Variants in HS3ST4 observed in about 807,000 individuals in gnomAD.
HS3ST4 encodes the protein heparan sulfate glucosamine 3-O-sulfotransferase 4.
Under a neutral mutation model 29.2 loss-of-function variants are expected in HS3ST4, and 17 were observed. The ratio of observed to expected loss-of-function variants is 0.58; its 90% CI spans 0.40 to 0.87. The LOEUF is 0.87. Among genes scored for constraint, HS3ST4 ranks in the 40% least tolerant of loss-of-function variants. The pLI, the probability that HS3ST4 is intolerant of heterozygous loss-of-function variation, is 0.00. For synonymous variants in HS3ST4, 314 were observed against 285.7 expected, an observed-to-expected ratio of 1.10 and a Z score of -1.00; for missense variants, 627 against 634.5, an observed-to-expected ratio of 0.99 and a Z score of 0.13.
intron 1 of HS3ST4, among the ~76,000 whole-genome samples, chr16:25,886,488 A>G (rs1298292793): frequency 6.6e-6 from 1 of 152,222 alleles, no homozygotes; most frequent in African/African-American, 2.4e-5. Context: ...TGGCCAAGTT[A>G]TCATCAGTCC....
At chr16:25,784,281 A>G (rs1966855288) in intron 1 of HS3ST4, among the ~76,000 whole-genome samples, 2 of 152,128 alleles carry the variant, frequency 1.3e-5, no homozygotes, top group African/African-American at 4.8e-5. Flanking sequence ...TCATAACCCT[A>G]CAATGACCTC....
chr16:25,894,690 G>A (rs990092143), intron 1 of HS3ST4, among the ~76,000 whole-genome samples: 4 of 152,004 alleles, frequency 2.6e-5, no homozygotes, highest in African/African-American at 9.7e-5. Flanking sequence ...ATTTTTAATA[G>A]AGACAGGGTT....
At chr16:25,966,268 G>A (rs933512175) in intron 1 of HS3ST4, among the ~76,000 whole-genome samples, 7 of 152,082 alleles carry the variant, frequency 4.6e-5, no homozygotes, top group Admixed American at 1.3e-4. Flanking sequence ...CTGCACACTT[G>A]ACCATTATGC....
chr16:25,980,715 A>G (rs965476614), intron 1 of HS3ST4, among the ~76,000 whole-genome samples: 1 of 152,220 alleles, frequency 6.6e-6, no homozygotes, highest in African/African-American at 2.4e-5. Context: ...TTAATCAGGT[A>G]TGATAAAACA....
In HS3ST4 at chr16:25,711,728, G is replaced by A. The variant is rs568140031; in HGVS notation, c.734+18577G>A. 1.1e-4 allele frequency among the ~76,000 whole-genome samples: 16 copies of A among 152,224 alleles called. No individual in the cohort carries two copies. In the South Asian group the frequency reaches 3.3e-3, roughly 32 times the overall value. On this transcript the variant is annotated intron_variant, in intron 1 of 1. Coordinates refer to ENST00000331351, the MANE Select transcript of HS3ST4 (RefSeq NM_006040.3). ...ACACAAACACTCCCTGACTTTATAA[G>A]GTGCAAAGTACCTGGTCTGGAGTGG...
At chr16:25,903,302 G>GTATGTATATGTATATATTATATACA (rs1555471411) in intron 1 of HS3ST4, among the ~76,000 whole-genome samples, 20,745 of 95,270 alleles carry the variant, frequency 0.22, 4,126 homozygotes, top group East Asian at 0.31. Context: ...GTGTGTGTGT[G>GTATGTATATGTATATATTATATACA]TATGTATATG....
intron 1 of HS3ST4, among the ~76,000 whole-genome samples, chr16:26,035,642 A>G (rs1969575843): frequency 6.6e-6 from 1 of 152,148 alleles, no homozygotes; most frequent in Admixed American, 6.5e-5. Context: ...CTTCTCTTCT[A>G]TCTCCTGCCA....
At chr16:25,993,692 C>T (rs1049827335) in intron 1 of HS3ST4, among the ~76,000 whole-genome samples, 5 of 151,880 alleles carry the variant, frequency 3.3e-5, no homozygotes, top group African/African-American at 9.7e-5. Flanking sequence ...ACACCTAGCA[C>T]TTGGCACATG....
chr16:26,098,443 A>G (rs1898953988), intron 1 of HS3ST4, among the ~76,000 whole-genome samples: 1 of 152,146 alleles, frequency 6.6e-6, no homozygotes, highest in African/African-American at 2.4e-5. Context: ...AGGGACAGGG[A>G]TGAAGCTGGA....
intron 1 of HS3ST4, among the ~76,000 whole-genome samples, chr16:25,863,506 G>A (rs1967659876): frequency 6.6e-6 from 1 of 152,042 alleles, no homozygotes; most frequent in African/African-American, 2.4e-5. Flanking sequence ...GAGCTTCTTG[G>A]GTCTTGTGTA....
intron 1 of HS3ST4, among the ~76,000 whole-genome samples, chr16:25,730,985 G>A (rs1428977903): frequency 6.6e-6 from 1 of 152,196 alleles, no homozygotes; most frequent in Non-Finnish European, 1.5e-5. Flanking sequence ...ACAGGGTGGA[G>A]TCCAGGAGAA....
rs9927095 is a variant in HS3ST4, at chr16:25,854,429, T to C, written c.734+161278T>C. On this transcript the variant is annotated intron_variant, in intron 1 of 1. Transcript: ENST00000331351. ...CAGTGAGGATGACCCGAGGTCACTTTCATCACCATCTTGGTTTTGGTGAGT... is the reference window on the plus strand; with the variant it reads ...CAGTGAGGATGACCCGAGGTCACTTCCATCACCATCTTGGTTTTGGTGAGT... 8.9e-3 allele frequency among the ~76,000 whole-genome samples: 1,357 copies of C among 152,322 alleles called. 25 individuals are homozygous for C. Among genetic ancestry groups the C allele is most frequent in the African/African-American group, 0.031 (1,284 of 41,574 alleles).
chr16:26,109,281 C>G (rs959302852), intron 1 of HS3ST4, among the ~76,000 whole-genome samples: 3 of 152,138 alleles, frequency 2.0e-5, no homozygotes, highest in Non-Finnish European at 2.9e-5. Context: ...TCAGCGGCCC[C>G]GTTTCCTGCA....
chr16:25,896,902 A>G (rs916962569), intron 1 of HS3ST4, among the ~76,000 whole-genome samples: 3 of 152,234 alleles, frequency 2.0e-5, no homozygotes, highest in Non-Finnish European at 2.9e-5. Context: ...ACAGAAACAG[A>G]AAAGCAAATA....
chr16:25,898,394 A>G (rs1968091402), intron 1 of HS3ST4, among the ~76,000 whole-genome samples: 1 of 152,206 alleles, frequency 6.6e-6, no homozygotes, highest in South Asian at 2.1e-4. Flanking sequence ...CCCTTTCTGC[A>G]GAAATATGAC....
At chr16:25,828,282 T>TC (rs1967249266) in intron 1 of HS3ST4, among the ~76,000 whole-genome samples, 1 of 85,350 alleles carries the variant, frequency 1.2e-5, no homozygotes, top group African/African-American at 5.0e-5. Context: ...CTTTCTTTCT[T>TC]TCTTTCTTTC....
At chr16:26,041,864 C>T (rs1050915579) in intron 1 of HS3ST4, among the ~76,000 whole-genome samples, 3 of 152,192 alleles carry the variant, frequency 2.0e-5, no homozygotes, top group African/African-American at 7.2e-5. Flanking sequence ...TCACATTAAG[C>T]ATCATGGTCA....
At chr16:25,948,883 C>G (rs1968656439) in intron 1 of HS3ST4, among the ~76,000 whole-genome samples, 1 of 152,128 alleles carries the variant, frequency 6.6e-6, no homozygotes, top group Admixed American at 6.6e-5. Flanking sequence ...GATGAGGAGA[C>G]TGAAGCAAAG....
chr16:25,902,794 A>G (rs1464038672), intron 1 of HS3ST4, among the ~76,000 whole-genome samples: 1 of 151,814 alleles, frequency 6.6e-6, no homozygotes, highest in Non-Finnish European at 1.5e-5. Context: ...AAACAGAACA[A>G]AAAAAACAAC....
Sources: gnomAD v4.1 joint callset for allele counts (sites outside exome capture counted in the v4.1 genomes callset) on GRCh38, gnomAD v4.1.1 for gene constraint, MANE v1.5 for transcripts, NCBI Gene and HGNC (gene_info 2026-07-23, HGNC 2026-07-21) for gene names.